Variants in SPATA13 observed in about 807,000 individuals in gnomAD.
SPATA13 encodes spermatogenesis associated 13.
Under a neutral mutation model 104.0 loss-of-function variants are expected in SPATA13, and 50 were observed. That is an observed-to-expected ratio of 0.48 (90% CI 0.38 to 0.61). The LOEUF (loss-of-function observed/expected upper bound fraction) is 0.61. Ranked by LOEUF, SPATA13 falls within the 20% of genes least tolerant of loss-of-function variation. The pLI, the probability that SPATA13 is intolerant of heterozygous loss-of-function variation, is 0.00. For missense variants in SPATA13, 1,524 were observed against 1,690.6 expected (o/e 0.90, Z 1.73); for synonymous variants, 606 against 667.5 (o/e 0.91, Z 1.42).
At chr13:24,037,676 G>A (rs543728814) in intron 3 of SPATA13, among the ~76,000 whole-genome samples, 42 of 152,162 alleles carry the variant, frequency 2.8e-4, no homozygotes, top group African/African-American at 9.6e-4. Context: ...CCAAAGAGCT[G>A]AGATTACAGG....
At chr13:24,139,573 C>CT (rs1472260874) in intron 3 of SPATA13, among the ~76,000 whole-genome samples, 2 of 152,182 alleles carry the variant, frequency 1.3e-5, no homozygotes, top group African/African-American at 4.8e-5. Flanking sequence ...AAATTTTTAA[C>CT]TACTTGGATT....
At position 24,182,639 on chromosome 13, in the gene SPATA13, C is replaced by T. The variant is rs544118529; in HGVS notation, c.-112+21707C>T. On this transcript the variant is annotated intron_variant, in intron 1 of 12. Coordinates refer to ENST00000382108, the MANE Select transcript of SPATA13 (RefSeq NM_001166271.3). ...AGCCATCCCCATGACCCAAACACCT[C>T]CCCCAGGCCCCGCTTCAACACTGGG... Among the ~76,000 whole-genome samples, 8 of 152,284 alleles carry T rather than the reference C, an allele frequency of 5.3e-5. No individual in the cohort carries two copies. In the East Asian group the frequency reaches 1.4e-3, roughly 26 times the overall value.
chr13:24,266,880 C>A (rs954917331), intron 4 of SPATA13, among the ~76,000 whole-genome samples: 1 of 152,016 alleles, frequency 6.6e-6, no homozygotes, highest in Admixed American at 6.5e-5. Context: ...CAGCCTCAAC[C>A]TCTCAGTCTC....
Position 24,059,470 on chromosome 13 carries a change from A to G in SPATA13, c.-112+41769A>G, listed in dbSNP as rs1566088897. ...CAAATAGGCTTTGGCTGTATTGAAA[A>G]GACAGAGATTTGGCACTGCCAAGTC... is the stretch of plus-strand genomic sequence containing the variant. On this transcript the variant is annotated intron_variant, in intron 3 of 14. Transcript: ENST00000424834. Among the ~76,000 whole-genome samples, 2 of 152,274 alleles carry G rather than the reference A, an allele frequency of 1.3e-5. 1 individual carries two copies. Among genetic ancestry groups the G allele is most frequent in the South Asian group, 4.1e-4 (2 of 4,834 alleles).
intron 3 of SPATA13, among the ~76,000 whole-genome samples, chr13:24,096,935 A>G (rs2137797448): frequency 6.6e-6 from 1 of 152,334 alleles, no homozygotes; most frequent in Middle Eastern, 3.4e-3. Context: ...AGAGCATGAC[A>G]TAGCTAGATT....
chr13:24,294,957 C>A, intron 10 of SPATA13, 89 bp downstream of exon 10: 1 of 1,359,072 alleles, frequency 7.4e-7, no homozygotes, highest in South Asian at 1.4e-5. Context: ...ATCCTGTGGT[C>A]AATATCTTAT....
chr13:24,000,859 G>A (rs1566067519), intron 2 of SPATA13, among the ~76,000 whole-genome samples: 1 of 152,062 alleles, frequency 6.6e-6, no homozygotes, highest in Non-Finnish European at 1.5e-5. Flanking sequence ...AGCCCTGGAT[G>A]AGAAGTGTAA....
At chr13:24,014,595 A>G (rs960686682) in intron 2 of SPATA13, among the ~76,000 whole-genome samples, 1 of 152,230 alleles carries the variant, frequency 6.6e-6, no homozygotes, top group African/African-American at 2.4e-5. Context: ...ATTAAGTGCA[A>G]GTGGATCATC....
upstream of SPATA13, among the ~76,000 whole-genome samples, chr13:24,160,211 G>A (rs1484432797): frequency 1.3e-5 from 2 of 152,228 alleles, no homozygotes; most frequent in Non-Finnish European, 2.9e-5. Context: ...GCCCTGGGGG[G>A]TGGGGGCTGG....
At chr13:23,981,541 A>C (rs1874896313) in intron 1 of SPATA13, among the ~76,000 whole-genome samples, 1 of 152,250 alleles carries the variant, frequency 6.6e-6, no homozygotes, top group Admixed American at 6.5e-5. Flanking sequence ...ACTGTGGTAC[A>C]TTCTCATTGT....
intron 4 of SPATA13, among the ~76,000 whole-genome samples, chr13:24,253,416 C>G (rs1447293665): frequency 6.6e-6 from 1 of 152,166 alleles, no homozygotes; most frequent in Non-Finnish European, 1.5e-5. Context: ...TCTAGGACCT[C>G]TTAGGATAAC....
chr13:24,092,239 A>G (rs1322116122), intron 3 of SPATA13, among the ~76,000 whole-genome samples: 1 of 152,222 alleles, frequency 6.6e-6, no homozygotes, highest in East Asian at 1.9e-4. Flanking sequence ...TTTTAACCCA[A>G]GTTAGGAAAC....
chr13:24,098,010 C>T (rs1344861084), intron 3 of SPATA13, among the ~76,000 whole-genome samples: 4 of 152,186 alleles, frequency 2.6e-5, no homozygotes, highest in Non-Finnish European at 5.9e-5. Context: ...CTTGACTCTG[C>T]ATCCTCCTCA....
chr13:24,021,293 C>T (rs1355412598), intron 3 of SPATA13, among the ~76,000 whole-genome samples: 1 of 152,158 alleles, frequency 6.6e-6, no homozygotes, highest in African/African-American at 2.4e-5. Flanking sequence ...CCTGAAGATG[C>T]CTGTTTGCTC....
intron 3 of SPATA13, among the ~76,000 whole-genome samples, chr13:24,044,567 G>A (rs1474771264): frequency 2.0e-5 from 3 of 152,080 alleles, no homozygotes; most frequent in Non-Finnish European, 2.9e-5. Flanking sequence ...ACATGATAAC[G>A]TACAGGGTAC....
At chr13:24,222,751 T>C (rs1165653076) in intron 1 of SPATA13, 68 bp from the exon 2 acceptor site, 4 of 1,388,552 alleles carry the variant, frequency 2.9e-6, no homozygotes, top group Admixed American at 2.6e-5. Context: ...AGCGTGCCTC[T>C]TCTTCTGTGA....
Position 24,002,039 on chromosome 13 carries a change from T to C in SPATA13, c.-146-15628T>C, listed in dbSNP as rs141303940. Reference sequence around the variant, plus strand: ...GGTGGATGGTGCACTGTGAGCCACATGTCAACATCTTACATGGCCGAGAGG... The same window carrying C: ...GGTGGATGGTGCACTGTGAGCCACACGTCAACATCTTACATGGCCGAGAGG... On this transcript the variant is annotated intron_variant, in intron 2 of 14. Transcript: ENST00000424834. Among the ~76,000 whole-genome samples, 597 of 152,144 alleles carry C rather than the reference T, an allele frequency of 3.9e-3. 8 individuals are homozygous for C. Among genetic ancestry groups the C allele is most frequent in the African/African-American group, 0.014 (569 of 41,506 alleles).
chr13:24,087,585 A>G (rs1453113661), intron 3 of SPATA13, among the ~76,000 whole-genome samples: 2 of 152,196 alleles, frequency 1.3e-5, no homozygotes, highest in East Asian at 3.8e-4. Flanking sequence ...GAATGATTCC[A>G]GTTTAAAGTC....
At chr13:24,139,937 G>A (rs868271433) in intron 3 of SPATA13, among the ~76,000 whole-genome samples, 19 of 152,124 alleles carry the variant, frequency 1.2e-4, no homozygotes, top group Middle Eastern at 3.4e-3. Context: ...ACGTGGTGGC[G>A]GGCACCTGTA....
Sources: gnomAD v4.1 joint callset for allele counts (sites outside exome capture counted in the v4.1 genomes callset) on GRCh38, gnomAD v4.1.1 for gene constraint, MANE v1.5 for transcripts, NCBI Gene and HGNC (gene_info 2026-07-23, HGNC 2026-07-21) for gene names.